ZNF623: variants seen among roughly 807,000 people sequenced by gnomAD.
The protein encoded by ZNF623 is zinc finger protein 623.
A neutral mutation model predicts 24.0 loss-of-function variants in ZNF623; 16 were observed. The observed-to-expected ratio is 0.67, with a 90% CI of 0.45 to 1.01. The LOEUF is 1.01. Ranked by LOEUF, ZNF623 falls within the 50% of genes least tolerant of loss-of-function variation. The pLI is 0.00. For synonymous variants in ZNF623, 224 were observed against 219.8 expected, an observed-to-expected ratio of 1.02 and a Z score of -0.17; for missense variants, 566 against 606.5, an observed-to-expected ratio of 0.93 and a Z score of 0.70.
chr8:143,638,370 T>TAAAAAAAAAAAAAA (rs1563696193), intron 1 of ZNF623, among the ~76,000 whole-genome samples: 2 of 149,028 alleles, frequency 1.3e-5, no homozygotes, highest in African/African-American at 5.0e-5. Context: ...TCTCAAAAGT[T>TAAAAAAAAAAAAAA]AAAAAAATTA....
chr8:143,646,616 C>A (rs1280159446), intron 1 of ZNF623, among the ~76,000 whole-genome samples: 1 of 151,876 alleles, frequency 6.6e-6, no homozygotes, highest in African/African-American at 2.4e-5. Flanking sequence ...TACACTTTCT[C>A]CATATTTTAA....
At chr8:143,648,148 T>C (rs565042332) in intron 1 of ZNF623, among the ~76,000 whole-genome samples, 44 of 152,140 alleles carry the variant, frequency 2.9e-4, no homozygotes, top group African/African-American at 9.9e-4. Context: ...ATAGATGGCG[T>C]TGGTGTCTGA....
At chr8:143,642,875 G>A (rs1263481430) in intron 1 of ZNF623, among the ~76,000 whole-genome samples, 1 of 152,154 alleles carries the variant, frequency 6.6e-6, no homozygotes, top group Non-Finnish European at 1.5e-5. Context: ...TTCTGAGGTG[G>A]TCTCTTAGAT....
Position 143,650,647 on chromosome 8 carries a change from G to GTTC in ZNF623, c.655_656insTTC (p.Gly219delinsValArg), listed in dbSNP as rs1250184885. On this transcript the variant is annotated protein_altering_variant, in exon 2 of 2. Transcript: ENST00000526926. The surrounding 1 kb of genome is among the most constrained non-coding windows in gnomAD (Gnocchi z 5.2). ...TATTCGCCATCAGAGGATTCACACG[G>GTTC]GAGAAAGGCCCTATGAGTGCAATGA... 1 of 1,613,924 alleles carries GTTC rather than the reference G, an allele frequency of 6.2e-7. No homozygotes were observed. The highest frequency in any genetic ancestry group is 8.5e-7 in the Non-Finnish European group (1 of 1,180,020).
At chr8:143,647,561 T>C (rs1361135637) in intron 1 of ZNF623, among the ~76,000 whole-genome samples, 2 of 152,180 alleles carry the variant, frequency 1.3e-5, no homozygotes, top group Non-Finnish European at 2.9e-5. Context: ...CAAATATCTT[T>C]GGAGTCTTTC....
intron 1 of ZNF623, among the ~76,000 whole-genome samples, chr8:143,644,762 G>A (rs899026026): frequency 2.5e-4 from 38 of 150,600 alleles, no homozygotes; most frequent in African/African-American, 9.1e-4. Flanking sequence ...CCCAGGAGGC[G>A]GAGGTTGCAG....
Position 143,651,448 on chromosome 8 carries a change from T to C in ZNF623, c.1456T>C (p.Ser486Pro). 6.3e-7 allele frequency: 1 copy of C among 1,599,974 alleles called. No individual in the cohort carries two copies. Among genetic ancestry groups the C allele is most frequent in the Non-Finnish European group, 8.5e-7 (1 of 1,174,980 alleles). The change falls in exon 2 of 2, where the codon TCT becomes CCT. Residue 486 changes from serine to proline, a missense_variant. Physicochemically the swap from Ser to Pro is moderately conservative, Grantham distance 74. Coordinates refer to ENST00000526926, the MANE Select transcript of ZNF623 (RefSeq NM_001261843.2). ...SKAPIHLGER[S>P]VDKGEHTGNL ...GGCCCCCATACATTTGGGTGAGAGGTCTGTAGATAAGGGGGAACACACAGG... is the reference window on the plus strand; with the variant it reads ...GGCCCCCATACATTTGGGTGAGAGGCCTGTAGATAAGGGGGAACACACAGG...
chr8:143,639,515 C>T (rs2131439569), intron 1 of ZNF623, among the ~76,000 whole-genome samples: 1 of 152,308 alleles, frequency 6.6e-6, no homozygotes, highest in East Asian at 1.9e-4. Flanking sequence ...TGAGCCACTG[C>T]ATCTGGCCTG....
chr8:143,644,419 A>G (rs1815124462), intron 1 of ZNF623, among the ~76,000 whole-genome samples: 1 of 152,132 alleles, frequency 6.6e-6, no homozygotes, highest in African/African-American at 2.4e-5. Context: ...GCCTTGAGGT[A>G]TTGAAGACAG....
chr8:143,646,598 T>C lies in ZNF623; in HGVS notation c.-95-3300T>C, dbSNP rs75500225. Among the ~76,000 whole-genome samples the C allele has an allele frequency of 3.3e-5, 5 of 152,052 alleles. No homozygotes were observed. In the East Asian group the frequency reaches 9.7e-4, roughly 29 times the overall value. On this transcript the variant is annotated intron_variant, in intron 1 of 1. Transcript: ENST00000526926. ...GCATGTATATATCACAATTCATTGA[T>C]TCTAAGATACACTTTCTCCATATTT...
chr8:143,636,229 CA>C (rs933440427), intron 1 of ZNF623, 84 bp downstream of exon 1: 3 of 152,086 alleles, frequency 2.0e-5, no homozygotes, highest in African/African-American at 2.4e-5. Context: ...CTTGCCAGGG[CA>C]CAGTCCGCCG....
chr8:143,642,270 C>T (rs577590930), intron 1 of ZNF623, among the ~76,000 whole-genome samples: 139 of 152,262 alleles, frequency 9.1e-4, no homozygotes, highest in Admixed American at 2.1e-3. Context: ...GCTTTTCTTC[C>T]GCAGCTTCCC....
At chr8:143,649,606 T>G in intron 1 of ZNF623, 1 of 460,408 alleles carries the variant, frequency 2.2e-6, no homozygotes, top group Non-Finnish European at 3.8e-6. Context: ...TTCAAGCATA[T>G]CCCCACCCCT....
chr8:143,645,179 C>T (rs536754365), intron 1 of ZNF623, among the ~76,000 whole-genome samples: 5 of 150,726 alleles, frequency 3.3e-5, no homozygotes, highest in Middle Eastern at 3.6e-3. Context: ...CGTGGTGGCT[C>T]ATGCCTGTAA....
At position 143,637,463 on chromosome 8, in the gene ZNF623, C is replaced by T. The variant is rs571748387; in HGVS notation, c.-96+1318C>T. Among the ~76,000 whole-genome samples, 9 of 152,312 alleles carry T rather than the reference C, an allele frequency of 5.9e-5. 2 individuals carry two copies. The highest frequency in any genetic ancestry group is 4.1e-4 in the South Asian group (2 of 4,828). ...TGGGGGCTTCTAATGCCAGATGGGA[C>T]ACCCCTAGACACCCCAGAGCTGCTG... On this transcript the variant is annotated intron_variant, in intron 1 of 1. Coordinates refer to ENST00000526926, the MANE Select transcript of ZNF623 (RefSeq NM_001261843.2).
At chr8:143,649,524 A>C in intron 1 of ZNF623, 1 of 233,500 alleles carries the variant, frequency 4.3e-6, no homozygotes, top group Non-Finnish European at 8.3e-6. Context: ...GGAATGAGGA[A>C]CAGTGAAGAG....
At chr8:143,647,032 T>G (rs1370547774) in intron 1 of ZNF623, among the ~76,000 whole-genome samples, 1 of 152,180 alleles carries the variant, frequency 6.6e-6, no homozygotes, top group Non-Finnish European at 1.5e-5. Context: ...TTGTGTCACA[T>G]CTCGCAGTCG....
chr8:143,648,095 T>C (rs1032647187), intron 1 of ZNF623, among the ~76,000 whole-genome samples: 2 of 152,086 alleles, frequency 1.3e-5, no homozygotes, highest in Non-Finnish European at 2.9e-5. Context: ...GTGTTGGGGC[T>C]GGAAAGAAGG....
chr8:143,645,933 GA>G (rs1815167778), intron 1 of ZNF623, among the ~76,000 whole-genome samples: 1 of 152,020 alleles, frequency 6.6e-6, no homozygotes, highest in Non-Finnish European at 1.5e-5. Context: ...TAAAAACTGA[GA>G]AACCTGCTAG....
Sources: gnomAD v4.1 joint callset for allele counts (sites outside exome capture counted in the v4.1 genomes callset) on GRCh38, gnomAD v4.1.1 for gene constraint, Gnocchi (gnomAD v3.1) non-coding constraint, MANE v1.5 for transcripts, NCBI Gene and HGNC (gene_info 2026-07-23, HGNC 2026-07-21) for gene names.